Variants in MDGA2 observed in about 807,000 individuals in gnomAD.
MDGA2 encodes MAM domain-containing glycosylphosphatidylinositol anchor protein 2.
MDGA2 carries 40 observed loss-of-function variants against 117.8 expected under a neutral mutation model. The observed-to-expected ratio is 0.34, with a 90% CI of 0.26 to 0.44. MDGA2 has a LOEUF of 0.44. Among genes scored for constraint, MDGA2 ranks in the 20% least tolerant of loss-of-function variants. The pLI is 1.00. For missense variants in MDGA2, 1,123 were observed against 1,250.6 expected, an observed-to-expected ratio of 0.90 and a Z score of 1.54; for synonymous variants, 452 against 439.0, an observed-to-expected ratio of 1.03 and a Z score of -0.37.
intron 1 of MDGA2, among the ~76,000 whole-genome samples, chr14:47,526,284 T>C (rs1207552214): frequency 2.6e-5 from 4 of 152,316 alleles, no homozygotes; most frequent in African/African-American, 7.2e-5. Flanking sequence ...ATATTATAAA[T>C]AGTACACAAG....
At chr14:46,916,097 T>G (rs1030029956) in intron 10 of MDGA2, among the ~76,000 whole-genome samples, 2 of 152,174 alleles carry the variant, frequency 1.3e-5, no homozygotes, top group Non-Finnish European at 2.9e-5. Flanking sequence ...GACCCAGACA[T>G]TAGCCCACAT....
intron 3 of MDGA2, among the ~76,000 whole-genome samples, chr14:47,189,950 C>G (rs1427448276): frequency 6.6e-6 from 1 of 152,124 alleles, no homozygotes; most frequent in Non-Finnish European, 1.5e-5. Flanking sequence ...AGTAAAATGT[C>G]ACTCTTTTGA....
chr14:46,845,123 T>G (rs1489896725), intron 16 of MDGA2, among the ~76,000 whole-genome samples: 1 of 152,132 alleles, frequency 6.6e-6, no homozygotes, highest in Non-Finnish European at 1.5e-5. Context: ...GACCTTGTGA[T>G]CCACCCGCCT....
At chr14:46,891,111 A>T (rs1429252060) in intron 10 of MDGA2, among the ~76,000 whole-genome samples, 1 of 152,026 alleles carries the variant, frequency 6.6e-6, no homozygotes, top group Admixed American at 6.6e-5. Flanking sequence ...TACATTCCTA[A>T]TGTGTCAGTT....
rs1001894033 is a variant in MDGA2, at chr14:47,217,636, TA to T, written c.595+384del. Among the ~76,000 whole-genome samples the T allele has an allele frequency of 1.5e-4, 23 of 151,482 alleles. No homozygotes were observed. The East Asian group carries it at 2.7e-3, about 18-fold the overall frequency. On this transcript the variant is annotated intron_variant, in intron 3 of 16. Transcript: ENST00000399232. ...AAGAATAGCTGTATTCACATGTAGG[TA>T]AAAAAAATAAACATAAGTTAAAGAA...
chr14:47,171,234 T>C (rs566091983), intron 3 of MDGA2, among the ~76,000 whole-genome samples: 2 of 152,236 alleles, frequency 1.3e-5, no homozygotes, highest in South Asian at 4.1e-4. Context: ...GTTCTAAATA[T>C]AGAATGTACA....
intron 3 of MDGA2, chr14:47,200,782 A>T: frequency 1.2e-6 from 1 of 832,342 alleles, no homozygotes; most frequent in Non-Finnish European, 2.0e-6. Flanking sequence ...CCAGTTAGGC[A>T]AACTTTCTTG....
chr14:47,229,873 G>A (rs1056750918), intron 2 of MDGA2, among the ~76,000 whole-genome samples: 1 of 151,906 alleles, frequency 6.6e-6, no homozygotes, highest in Non-Finnish European at 1.5e-5. Flanking sequence ...ATTCCAGTTG[G>A]CTGTAATGTT....
In MDGA2 at chr14:47,653,498, A is replaced by G. The variant is rs554521740; in HGVS notation, c.280+21019T>C. On this transcript the variant is annotated intron_variant, in intron 1 of 16. Coordinates refer to ENST00000399232, the MANE Select transcript of MDGA2 (RefSeq NM_001113498.3). ...GCTACCCACGCATTTGAGAAAGCCA[A>G]TGGAAAATGGAAAGATGACACTGAT... Among the ~76,000 whole-genome samples, 17 of 152,270 alleles carry G rather than the reference A, an allele frequency of 1.1e-4. No individual in the cohort carries two copies. The South Asian group carries it at 2.3e-3, about 20-fold the overall frequency.
At chr14:47,331,153 A>G (rs1036204932) in intron 1 of MDGA2, among the ~76,000 whole-genome samples, 10 of 145,246 alleles carry the variant, frequency 6.9e-5, no homozygotes, top group Admixed American at 7.2e-5. Context: ...TTAAGTTTAA[A>G]GATAAATTCA....
rs184872362 is a variant in MDGA2 at position 47,446,546 on chromosome 14, C to A, written c.281-144996G>T. Among the ~76,000 whole-genome samples the A allele has an allele frequency of 1.1e-3, 166 of 151,860 alleles. 1 individual carries two copies. The highest frequency in any genetic ancestry group is 3.5e-3 in the African/African-American group (144 of 41,424). ...GGGTGGTTTGTTTTAATAGAAAATT[C>A]TTTGTAAAAACGAAAGTGGGGAGTG... On this transcript the variant is annotated intron_variant, in intron 1 of 16. Coordinates refer to ENST00000399232, the MANE Select transcript of MDGA2 (RefSeq NM_001113498.3).
At chr14:47,175,548 C>A (rs914222650) in intron 3 of MDGA2, among the ~76,000 whole-genome samples, 1 of 151,608 alleles carries the variant, frequency 6.6e-6, no homozygotes, top group Non-Finnish European at 1.5e-5. Context: ...AAGACAAAAA[C>A]CACATGATTA....
chr14:47,640,903 G>C (rs1486358778), intron 1 of MDGA2, among the ~76,000 whole-genome samples: 1 of 152,050 alleles, frequency 6.6e-6, no homozygotes, highest in Non-Finnish European at 1.5e-5. Flanking sequence ...ACTTGTTTCT[G>C]GTTCACAGCT....
At chr14:46,886,722 A>C (rs1265154187) in intron 10 of MDGA2, among the ~76,000 whole-genome samples, 1 of 151,992 alleles carries the variant, frequency 6.6e-6, no homozygotes, top group Non-Finnish European at 1.5e-5. Context: ...GAGAGAAGGA[A>C]TTCTGAATTT....
intron 2 of MDGA2, among the ~76,000 whole-genome samples, chr14:47,243,218 T>C (rs1164700681): frequency 1.3e-5 from 2 of 151,600 alleles, no homozygotes; most frequent in East Asian, 1.9e-4. Flanking sequence ...AACCTGTGTG[T>C]CTAAACTCTA....
At chr14:47,219,470 G>A (rs1197535929) in intron 2 of MDGA2, among the ~76,000 whole-genome samples, 1 of 151,930 alleles carries the variant, frequency 6.6e-6, no homozygotes, top group East Asian at 1.9e-4. Flanking sequence ...CATAATTTCT[G>A]ATTTCCAGTA....
intron 8 of MDGA2, among the ~76,000 whole-genome samples, chr14:46,968,596 A>G (rs1308995969): frequency 2.6e-5 from 4 of 152,010 alleles, no homozygotes; most frequent in Admixed American, 2.0e-4. Flanking sequence ...CACTTTGGGA[A>G]GCCAAGGTGG....
At chr14:46,843,868 G>A (rs1234389896) in intron 16 of MDGA2, among the ~76,000 whole-genome samples, 1 of 152,128 alleles carries the variant, frequency 6.6e-6, no homozygotes, top group Non-Finnish European at 1.5e-5. Context: ...TGAGTAATTT[G>A]TGTAAATTTA....
At chr14:47,431,421 A>G (rs930875676) in intron 1 of MDGA2, among the ~76,000 whole-genome samples, 1 of 152,056 alleles carries the variant, frequency 6.6e-6, no homozygotes, top group Non-Finnish European at 1.5e-5. Context: ...TATTCATGTC[A>G]TTGGAATGCT....
Sources: allele counts gnomAD v4.1 joint callset (sites outside exome capture counted in the v4.1 genomes callset), GRCh38; gene constraint gnomAD v4.1.1; transcripts MANE v1.5; gene names NCBI Gene and HGNC (gene_info 2026-07-23, HGNC 2026-07-21).